DCST2: variants seen among roughly 807,000 people sequenced by gnomAD.
The protein encoded by DCST2 is DC-STAMP domain-containing protein 2.
A neutral mutation model predicts 81.8 loss-of-function variants in DCST2; 64 were observed. The ratio of observed to expected loss-of-function variants is 0.78; its 90% CI spans 0.64 to 0.96. The LOEUF (loss-of-function observed/expected upper bound fraction) is 0.96. DCST2 is among the 40% of genes least tolerant of loss of function. DCST2 has a pLI of 0.00. For missense variants in DCST2, 945 were observed against 1,001.4 expected (o/e 0.94, Z 0.76); for synonymous variants, 354 against 402.6 (o/e 0.88, Z 1.44).
Position 155,032,696 on chromosome 1 carries a change from C to G in DCST2, c.512G>C (p.Arg171Pro), listed in dbSNP as rs754836792. 4 of 1,613,872 alleles carry G rather than the reference C, an allele frequency of 2.5e-6. No individual in the cohort carries two copies. The highest frequency in any genetic ancestry group is 3.4e-6 in the Non-Finnish European group (4 of 1,179,970). The change falls in exon 3 of 15, where the codon CGG becomes CCG. Residue 171 changes from arginine to proline, a missense_variant. Arg to Pro is a moderately radical substitution (Grantham distance 103, BLOSUM62 -2). Transcript: ENST00000368424. The part of the protein sequence containing the change: ...EVADRVRKFF[R>P]SIMDGVKHIA... ...GTGTTTCACACCATCCATGATTGAC[C>G]GAAAGAACTTGCGGACCCGGTCAGC...
rs1659922618 is a variant in DCST2, at chr1:155,026,720, C to T, written c.1343-5G>A. ...TTAGAGACACCAACACAGGACCTGG[C>T]ACAAAGACACTGTGTGAGTGACACT... On this transcript the variant is annotated splice_polypyrimidine_tract_variant and splice_region_variant and intron_variant, in intron 8 of 14. Transcript: ENST00000368424. The T allele has an allele frequency of 6.2e-7, 1 of 1,613,962 alleles. No homozygotes were observed. Among genetic ancestry groups the T allele is most frequent in the African/African-American group, 1.3e-5 (1 of 74,938 alleles).
In DCST2 at chr1:155,030,091, G is replaced by A. The variant is rs1660024824; in HGVS notation, c.1170C>T (p.Ile390=). The A allele has an allele frequency of 1.2e-6, 2 of 1,613,456 alleles. No individual in the cohort carries two copies. The highest frequency in any genetic ancestry group is 1.7e-6 in the Non-Finnish European group (2 of 1,179,978). The change falls in exon 7 of 15, where the codon ATC becomes ATT. Residue 390 remains isoleucine (I), a synonymous_variant. Transcript: ENST00000368424. ...TGTCCTCAGGGCCCTCACCCGGTGG[G>A]ATGTAGCGCCTGGCCTCGTGAGCAC... ...PLSAHEARRY[I]PPGSIFLSQW...
At position 155,023,328 on chromosome 1, in the gene DCST2, C is replaced by CA. The variant is rs1444766719; in HGVS notation, c.1964+35dup. On this transcript the variant is annotated intron_variant, in intron 13 of 14. Transcript: ENST00000368424. ...AGGGTGCCTACTTCCACTGCCCCTACAGACTCCAGCCACCCCATGTCACTG... is the reference window on the plus strand; with the variant it reads ...AGGGTGCCTACTTCCACTGCCCCTACAAGACTCCAGCCACCCCATGTCACTG... 1.9e-6 allele frequency: 3 copies of CA among 1,610,814 alleles called. No homozygotes were observed. In the South Asian group the frequency reaches 3.3e-5, roughly 18 times the overall value.
intron 4 of DCST2, 29 bp downstream of exon 4, chr1:155,031,541 CTCCT>C: frequency 1.7e-6 from 2 of 1,207,564 alleles, no homozygotes; most frequent in Admixed American, 1.8e-5. Context: ...CCCACATCGG[CTCCT>C]CCCCGCTGGC....
chr1:155,031,519 A>ATCCGCC, intron 4 of DCST2, 55 bp downstream of exon 4: 1 of 412,712 alleles, frequency 2.4e-6, no homozygotes, highest in Non-Finnish European at 4.4e-6. Context: ...CCACATTCCC[A>ATCCGCC]CCCCACCCCA....
At chr1:155,027,339 A>AC (rs1010725696) in intron 8 of DCST2, among the ~76,000 whole-genome samples, 1 of 129,672 alleles carries the variant, frequency 7.7e-6, no homozygotes, top group African/African-American at 2.9e-5. Context: ...ACCGAGTAAG[A>AC]CCCCCAGAAA....
intron 7 of DCST2, 52 bp downstream of exon 7, chr1:155,030,032 G>C: frequency 6.2e-7 from 1 of 1,605,866 alleles, no homozygotes; most frequent in Non-Finnish European, 8.5e-7. Flanking sequence ...GCGGGGTGGG[G>C]GGAAGCCCTG....
intron 14 of DCST2, 142 bp from the exon 15 acceptor site, chr1:155,018,902 G>A (rs527553793): frequency 4.3e-4 from 346 of 811,482 alleles, no homozygotes; most frequent in Middle Eastern, 7.4e-4. Flanking sequence ...CCCACGAGGC[G>A]TACCAGCCCA....
chr1:155,018,856 C>T, intron 14 of DCST2, 96 bp from the exon 15 acceptor site: 2 of 1,262,954 alleles, frequency 1.6e-6, no homozygotes, highest in South Asian at 2.7e-5. Context: ...TCAGATCCAG[C>T]TCCTGTTCTT....
chr1:155,030,050 T>TG lies in DCST2; in HGVS notation c.1177+33dup, dbSNP rs1660022296. The stretch of plus-strand genomic sequence containing the variant: ...GGGTGGGGGGAAGCCCTGGCCTCCC[T>TG]GGCTTGGGCTCTCCCTGTCCTCAGG... On this transcript the variant is annotated intron_variant, in intron 7 of 14. Transcript: ENST00000368424. 1.9e-6 allele frequency: 3 copies of TG among 1,608,878 alleles called. No individual in the cohort carries two copies. The South Asian group carries it at 3.3e-5, about 18-fold the overall frequency.
chr1:155,025,629 G>A (rs1263072011), intron 10 of DCST2, among the ~76,000 whole-genome samples: 7 of 151,990 alleles, frequency 4.6e-5, no homozygotes, highest in African/African-American at 1.4e-4. Context: ...ACCCAGCCCC[G>A]ATGGTGAGTT....
At chr1:155,024,424 T>G in intron 11 of DCST2, 48 bp downstream of exon 11, 1 of 1,506,704 alleles carries the variant, frequency 6.6e-7, no homozygotes, top group Non-Finnish European at 8.9e-7. Flanking sequence ...CCTGGCTCTT[T>G]TTCTATCCCC....
chr1:155,019,612 G>C (rs1659687311), intron 14 of DCST2, among the ~76,000 whole-genome samples: 1 of 152,178 alleles, frequency 6.6e-6, no homozygotes, highest in Non-Finnish European at 1.5e-5. Context: ...CAGAGACCCT[G>C]GGCTGCCCCC....
chr1:155,025,882 T>C (rs1487718397), intron 10 of DCST2, among the ~76,000 whole-genome samples: 1 of 151,866 alleles, frequency 6.6e-6, no homozygotes, highest in African/African-American at 2.4e-5. Flanking sequence ...TTCTTTCTTT[T>C]TTTTTTAATA....
chr1:155,021,337 A>C (rs1659751300), intron 14 of DCST2, among the ~76,000 whole-genome samples: 1 of 151,710 alleles, frequency 6.6e-6, no homozygotes, highest in African/African-American at 2.4e-5. Flanking sequence ...GAGTTTTGCC[A>C]TGTTGCCCAG....
At chr1:155,025,303 C>T (rs546582459) in intron 10 of DCST2, among the ~76,000 whole-genome samples, 2 of 152,082 alleles carry the variant, frequency 1.3e-5, no homozygotes, top group South Asian at 4.2e-4. Flanking sequence ...ATGAGTAAAC[C>T]GATGGTGAGG....
chr1:155,021,846 G>A (rs1463743025), intron 14 of DCST2, among the ~76,000 whole-genome samples: 2 of 150,598 alleles, frequency 1.3e-5, no homozygotes, highest in South Asian at 2.1e-4. Flanking sequence ...CCTCCACTCT[G>A]CCTTCTTTGC....
intron 5 of DCST2, 188 bp downstream of exon 5, chr1:155,030,981 G>A: frequency 1.5e-6 from 1 of 666,906 alleles, no homozygotes; most frequent in Non-Finnish European, 2.5e-6. Flanking sequence ...TGAGGCACTG[G>A]CCCTTCGCTG....
At chr1:155,029,494 G>C in intron 7 of DCST2, 97 bp from the exon 8 acceptor site, 2 of 1,192,560 alleles carry the variant, frequency 1.7e-6, no homozygotes, top group Non-Finnish European at 2.4e-6. Flanking sequence ...ATCAGGTGTG[G>C]GCCCGTCTGC....
Sources: allele counts gnomAD v4.1 joint callset (sites outside exome capture counted in the v4.1 genomes callset), GRCh38; gene constraint gnomAD v4.1.1; transcripts MANE v1.5; gene names NCBI Gene and HGNC (gene_info 2026-07-23, HGNC 2026-07-21).